HSP90AA1: variants seen among roughly 807,000 people sequenced by gnomAD.
HSP90AA1 encodes the protein heat shock protein HSP 90-alpha.
Under a neutral mutation model 73.3 loss-of-function variants are expected in HSP90AA1, and 18 were observed. The ratio of observed to expected loss-of-function variants is 0.25; its 90% confidence interval spans 0.17 to 0.36. The LOEUF (loss-of-function observed/expected upper bound fraction) is 0.36. Among genes scored for constraint, HSP90AA1 ranks in the 10% least tolerant of loss-of-function variants. The pLI is 1.00. For missense variants in HSP90AA1, 704 were observed against 874.2 expected (o/e 0.81, Z 2.45); for synonymous variants, 477 against 296.9 (o/e 1.61, Z -6.24).
chr14:102,084,641 T>A, intron 5 of HSP90AA1, 40 bp downstream of exon 5: 1 of 1,614,158 alleles, frequency 6.2e-7, no homozygotes, highest in South Asian at 1.1e-5. Context: ...AGAAAGATGA[T>A]AATCTAAGGA....
In HSP90AA1 at chr14:102,083,123, C is replaced by T; in HGVS notation, c.1666G>A (p.Glu556Lys). The change falls in exon 9 of 11, where the codon GAA becomes AAA. Residue 556 changes from glutamate (E) to lysine (K), a missense_variant. Transcript: ENST00000216281. The stretch of plus-strand genomic sequence containing the variant: ...TTCTCTTCCTGCTTCTTTTTCTCTT[C>T]TTCATCCTCTGGAAGTTCCAGGCCT... Reference protein sequence around the residue: ...KEGLELPEDEEEKKKQEEKKT... With the variant: ...KEGLELPEDEKEKKKQEEKKT... 1 of 1,613,874 alleles carries T rather than the reference C, an allele frequency of 6.2e-7. No homozygotes were observed. Among genetic ancestry groups the T allele is most frequent in the Non-Finnish European group, 8.5e-7 (1 of 1,179,842 alleles).
intron 1 of HSP90AA1, among the ~76,000 whole-genome samples, chr14:102,135,311 G>GT (rs1438767087): frequency 6.7e-6 from 1 of 149,348 alleles, no homozygotes; most frequent in Non-Finnish European, 1.5e-5. Flanking sequence ...GCCGACTGGT[G>GT]TATTTACAAT....
exon 2 of HSP90AA1, chr14:102,102,046 C>T (rs561103878): frequency 4.0e-5 from 64 of 1,613,978 alleles, no homozygotes; most frequent in Non-Finnish European, 5.3e-5. Flanking sequence ...GCCAGAGAAA[C>T]ACTTGGGCCT....
chr14:102,086,127 G>T lies in HSP90AA1; in HGVS notation c.163-3C>A. The T allele has an allele frequency of 6.2e-7, 1 of 1,614,060 alleles. No individual in the cohort carries two copies. Among genetic ancestry groups the T allele is most frequent in the Non-Finnish European group, 8.5e-7 (1 of 1,180,006 alleles). On this transcript the variant is annotated splice_region_variant and splice_polypyrimidine_tract_variant and intron_variant, in intron 2 of 10. Coordinates refer to ENST00000216281, the MANE Select transcript of HSP90AA1 (RefSeq NM_005348.4). ...TCATACCGGATTTTGTCCAATGCCT[G>T]TTAACAAAAAATATTAATTTAAGCA...
upstream of HSP90AA1, among the ~76,000 whole-genome samples, chr14:102,088,110 G>C (rs911357881): frequency 5.3e-5 from 8 of 151,430 alleles, no homozygotes; most frequent in Admixed American, 5.3e-4. Context: ...GACCACAGGC[G>C]CGGACACCAC....
chr14:102,122,637 C>A (rs1048480218), intron 1 of HSP90AA1, among the ~76,000 whole-genome samples: 4 of 151,210 alleles, frequency 2.6e-5, no homozygotes, highest in African/African-American at 9.7e-5. Flanking sequence ...CACTCCACTC[C>A]TGCCATTACT....
In HSP90AA1 at chr14:102,134,813, T is replaced by G. The variant is rs530849326; in HGVS notation, c.155+4437A>C. On this transcript the variant is annotated intron_variant, in intron 1 of 11. Transcript: ENST00000334701. Reference sequence around the variant, plus strand: ...GGGAGAAAGAACAAAGCTTCTACAGTGCGGAAGTGAACCCGAGCGGGTTGC... The same window carrying G: ...GGGAGAAAGAACAAAGCTTCTACAGGGCGGAAGTGAACCCGAGCGGGTTGC... 1.5e-4 allele frequency among the ~76,000 whole-genome samples: 23 copies of G among 152,284 alleles called. No individual in the cohort carries two copies. In the South Asian group the frequency reaches 4.4e-3, roughly 29 times the overall value.
At chr14:102,132,736 A>G (rs1306980782) in intron 1 of HSP90AA1, among the ~76,000 whole-genome samples, 1 of 152,050 alleles carries the variant, frequency 6.6e-6, no homozygotes, top group African/African-American at 2.4e-5. Flanking sequence ...AGGTGGGCAG[A>G]TCACTTGAGG....
Position 102,113,659 on chromosome 14 carries a change from C to T in HSP90AA1, c.156-11574G>A, listed in dbSNP as rs558463448. ...GCCTCCCAGAGTGCTGGGATACAAG[C>T]GTGAGCCACCGCACCAGGCATACTC... On this transcript the variant is annotated intron_variant, in intron 1 of 11. Transcript: ENST00000334701. 9.4e-5 allele frequency among the ~76,000 whole-genome samples: 14 copies of T among 149,210 alleles called. No individual in the cohort carries two copies. The South Asian group carries it at 1.3e-3, about 14-fold the overall frequency.
rs755944882 is a variant in HSP90AA1, at chr14:102,083,808, G to A, written c.1323C>T (p.Phe441=). ...KENYKKFYEQ[F]SKNIKLGIHE... ...TTACACCAACCTTTATGTTTTTAGAGAACTGCTCATAGAATTTCTTGTAGT... is the reference window on the plus strand; with the variant it reads ...TTACACCAACCTTTATGTTTTTAGAAAACTGCTCATAGAATTTCTTGTAGT... Residue 441 remains phenylalanine, a synonymous_variant, in exon 7 of 11, where the codon TTC becomes TTT. Coordinates refer to ENST00000216281, the MANE Select transcript of HSP90AA1 (RefSeq NM_005348.4). 6.2e-6 allele frequency: 10 copies of A among 1,612,092 alleles called. No individual in the cohort carries two copies. The highest frequency in any genetic ancestry group is 3.3e-4 in the Middle Eastern group (2 of 6,074).
At chr14:102,085,692 G>A (rs538557231) in intron 3 of HSP90AA1, 66 bp downstream of exon 3, 7 of 1,604,478 alleles carry the variant, frequency 4.4e-6, no homozygotes, top group Non-Finnish European at 6.0e-6. Flanking sequence ...CATCCCCAGG[G>A]GTCCAAGGGT....
rs1059623 is a variant in HSP90AA1, at chr14:102,080,881, G to A, written c.*831C>T. ...CTGCATTCCTGTTTTCTGTGCCTAC[G>A]TGTGCTCCACCCCACACCTGCTGAG... On this transcript the variant is annotated 3_prime_UTR_variant, in exon 11 of 11. Transcript: ENST00000216281. 191,828 of 228,154 alleles carry A rather than the reference G, an allele frequency of 0.84. 81,738 individuals carry two copies. Among genetic ancestry groups the A allele is most frequent in the Non-Finnish European group, 0.9 (103,345 of 114,952 alleles). 14.1% of individuals were successfully genotyped at this position (228,154 alleles called of 1,614,324 possible). A position where few individuals can be genotyped will look rare whatever the true frequency, so the allele number is the denominator to read the frequency against.
chr14:102,102,114 T>C, intron 1 of HSP90AA1: 1 of 1,591,028 alleles, frequency 6.3e-7, no homozygotes, highest in Non-Finnish European at 8.6e-7. Flanking sequence ...TCTTCTGGAC[T>C]TCCAAACCAA....
At chr14:102,135,848 G>A (rs1381580739) in intron 1 of HSP90AA1, among the ~76,000 whole-genome samples, 3 of 152,242 alleles carry the variant, frequency 2.0e-5, no homozygotes, top group Non-Finnish European at 4.4e-5. Flanking sequence ...ACTCCAGCTG[G>A]CCCGCAAGAG....
chr14:102,093,901 G>C (rs1451155120), intron 2 of HSP90AA1, among the ~76,000 whole-genome samples: 1 of 152,142 alleles, frequency 6.6e-6, no homozygotes, highest in African/African-American at 2.4e-5. Flanking sequence ...TTGAACCTGA[G>C]GGGAGGAGGT....
chr14:102,083,759 G>T (rs374387305), intron 7 of HSP90AA1, 34 bp downstream of exon 7: 1 of 1,575,552 alleles, frequency 6.3e-7, no homozygotes, highest in Non-Finnish European at 8.7e-7. Context: ...AACTAAAGAG[G>T]CCAATTGGAA....
At chr14:102,135,772 C>T (rs984692442) in intron 1 of HSP90AA1, among the ~76,000 whole-genome samples, 1 of 152,250 alleles carries the variant, frequency 6.6e-6, no homozygotes, top group Non-Finnish European at 1.5e-5. Context: ...TCCCTCATTG[C>T]CCGGGGCCAG....
At chr14:102,122,281 CTTTT>C (rs35837326) in intron 1 of HSP90AA1, among the ~76,000 whole-genome samples, 59 of 118,668 alleles carry the variant, frequency 5.0e-4, no homozygotes, top group Non-Finnish European at 5.7e-4. Flanking sequence ...TGTTTAAAGA[CTTTT>C]TTTTTTTTTT....
upstream of HSP90AA1, among the ~76,000 whole-genome samples, chr14:102,089,958 G>A (rs1352806951): frequency 6.6e-6 from 1 of 151,644 alleles, no homozygotes; most frequent in Non-Finnish European, 1.5e-5. Context: ...GCCAGGGTGA[G>A]CTTTGAGAAC....
Sources: gnomAD v4.1 joint callset for allele counts (sites outside exome capture counted in the v4.1 genomes callset) on GRCh38, gnomAD v4.1.1 for gene constraint, MANE v1.5 for transcripts, NCBI Gene and HGNC (gene_info 2026-07-23, HGNC 2026-07-21) for gene names.